TMEM39A: variants seen among roughly 807,000 people sequenced by gnomAD.
The protein encoded by TMEM39A is suppressor of SQST-1 aggregates in rpl-43 mutants.
A neutral mutation model predicts 51.9 loss-of-function variants in TMEM39A; 19 were observed. That is an observed-to-expected ratio of 0.37 (90% CI 0.26 to 0.54). The LOEUF (loss-of-function observed/expected upper bound fraction) is 0.54, where lower values mean the gene tolerates loss of function less well. TMEM39A is among the 20% of genes least tolerant of loss of function. The pLI, the probability that TMEM39A is intolerant of heterozygous loss-of-function variation, is 0.88. For missense variants in TMEM39A, 433 were observed against 590.5 expected, an observed-to-expected ratio of 0.73 and a Z score of 2.76; for synonymous variants, 197 against 220.2, an observed-to-expected ratio of 0.89 and a Z score of 0.93.
rs1461651857 is a variant in TMEM39A, at chr3:119,458,092, A to G, written c.262T>C (p.Phe88Leu). 2 of 1,614,078 alleles carry G rather than the reference A, an allele frequency of 1.2e-6. No individual in the cohort carries two copies. Among genetic ancestry groups the G allele is most frequent in the Admixed American group, 1.7e-5 (1 of 60,012 alleles). The change falls in exon 3 of 9, where the codon TTC becomes CTC. Residue 88 changes from phenylalanine (F) to leucine (L), a missense_variant. Physicochemically the swap from Phe to Leu is conservative, Grantham distance 22. This residue lies in a region of TMEM39A where 170 missense variants were observed against 239.8 expected (regional missense o/e 0.71). Transcript: ENST00000319172. The stretch of plus-strand genomic sequence containing the variant: ...TTATAAATGTTGATGTACTGAATGA[A>G]AAGAGCAACCAACAGGTAGATGAAA... ...LFFIYLLVAL[F>L]IQYINIYKTV...
intron 4 of TMEM39A, among the ~76,000 whole-genome samples, chr3:119,447,724 A>C (rs1460527357): frequency 1.3e-5 from 2 of 151,994 alleles, no homozygotes; most frequent in Non-Finnish European, 2.9e-5. Flanking sequence ...TCCTGGGTTC[A>C]AGCGGTTCTC....
chr3:119,441,524 A>G (rs1251293680), intron 5 of TMEM39A, among the ~76,000 whole-genome samples: 2 of 152,214 alleles, frequency 1.3e-5, no homozygotes, highest in African/African-American at 4.8e-5. Flanking sequence ...GAACCTCCAG[A>G]GAGGTGAGAA....
chr3:119,447,133 C>T lies in TMEM39A; in HGVS notation c.460G>A (p.Val154Ile). ...AGAASMIHYMVLISARLVLLT... is the reference protein window; with the variant it reads ...AGAASMIHYMILISARLVLLT... Reference sequence around the variant, plus strand: ...AGTACCAAGCGAGCTGATATCAGAACCATGTAGTGAATCATTGATGCTGCA... The same window carrying T: ...AGTACCAAGCGAGCTGATATCAGAATCATGTAGTGAATCATTGATGCTGCA... Residue 154 changes from valine to isoleucine, a missense_variant, in exon 5 of 9, where the codon GTT (valine) becomes ATT (isoleucine). By Grantham distance (29) the Val-to-Ile change is conservative (BLOSUM62 3). Around this residue, in one of 3 missense-constraint regions of TMEM39A, gnomAD observed 170 missense variants for 239.8 expected, o/e 0.71. Transcript: ENST00000319172. 6.2e-7 allele frequency: 1 copy of T among 1,614,042 alleles called. No individual in the cohort carries two copies. Among genetic ancestry groups the T allele is most frequent in the Non-Finnish European group, 8.5e-7 (1 of 1,179,992 alleles).
intron 8 of TMEM39A, among the ~76,000 whole-genome samples, chr3:119,434,366 C>G (rs926868481): frequency 6.6e-6 from 1 of 151,958 alleles, no homozygotes. Context: ...ATAAAACCAC[C>G]GCACTATTAA....
At chr3:119,438,950 T>C (rs1374266702) in intron 5 of TMEM39A, among the ~76,000 whole-genome samples, 1 of 152,194 alleles carries the variant, frequency 6.6e-6, no homozygotes, top group African/African-American at 2.4e-5. Flanking sequence ...CAATTTAAGC[T>C]CTATGAACCA....
chr3:119,462,177 C>T, intron 1 of TMEM39A, 29 bp from the exon 2 acceptor site: 1 of 773,242 alleles, frequency 1.3e-6, no homozygotes. Flanking sequence ...ATTTAAACAT[C>T]AGTAGACTAT....
chr3:119,447,788 T>C (rs1036891207), intron 4 of TMEM39A, among the ~76,000 whole-genome samples: 4 of 152,018 alleles, frequency 2.6e-5, no homozygotes, highest in Admixed American at 6.6e-5. Flanking sequence ...CACGCCCAGC[T>C]AATTTTTGTA....
chr3:119,447,617 ATTTT>A (rs922885522), intron 4 of TMEM39A, among the ~76,000 whole-genome samples: 7 of 151,406 alleles, frequency 4.6e-5, no homozygotes, highest in East Asian at 1.9e-4. Context: ...TTATTTATTT[ATTTT>A]TAATTTTTTT....
chr3:119,440,504 T>C (rs1368366087), intron 5 of TMEM39A, among the ~76,000 whole-genome samples: 1 of 152,162 alleles, frequency 6.6e-6, no homozygotes, highest in Non-Finnish European at 1.5e-5. Flanking sequence ...GTAAAAACTA[T>C]GGAGAGCATT....
chr3:119,442,626 T>C (rs1051595542), intron 5 of TMEM39A, among the ~76,000 whole-genome samples: 4 of 152,340 alleles, frequency 2.6e-5, no homozygotes, highest in African/African-American at 9.6e-5. Flanking sequence ...TTGTGATTTA[T>C]GAGAGGAGGT....
rs956448053 is a variant in TMEM39A, at chr3:119,431,127, A to C, written c.*854T>G. Reference sequence around the variant, plus strand: ...TGTAGGTGGGTTGCTGCTAGACTACATCCAAGATTGTTCAGCTGAGGACTT... The same window carrying C: ...TGTAGGTGGGTTGCTGCTAGACTACCTCCAAGATTGTTCAGCTGAGGACTT... On this transcript the variant is annotated 3_prime_UTR_variant, in exon 9 of 9. Transcript: ENST00000319172. 6.6e-6 allele frequency: 1 copy of C among 152,122 alleles called. No homozygotes were observed. Among genetic ancestry groups the C allele is most frequent in the African/African-American group, 2.4e-5 (1 of 41,424 alleles). 9.4% of individuals were successfully genotyped at this position (152,122 alleles called of 1,614,324 possible).
intron 2 of TMEM39A, among the ~76,000 whole-genome samples, chr3:119,459,468 G>A (rs913316334): frequency 2.0e-5 from 3 of 152,056 alleles, no homozygotes; most frequent in Non-Finnish European, 4.4e-5. Flanking sequence ...ACGTTCAGGT[G>A]ATATTATTAA....
At chr3:119,439,772 ATT>A (rs936922953) in intron 5 of TMEM39A, among the ~76,000 whole-genome samples, 1 of 144,978 alleles carries the variant, frequency 6.9e-6, no homozygotes. Flanking sequence ...ATTAATTCTA[ATT>A]TTTTTTTTTT....
rs771106209 is a variant in TMEM39A, at chr3:119,437,909, G to A, written c.770C>T (p.Pro257Leu). 1 of 1,613,986 alleles carries A rather than the reference G, an allele frequency of 6.2e-7. No homozygotes were observed. Among genetic ancestry groups the A allele is most frequent in the Non-Finnish European group, 8.5e-7 (1 of 1,179,916 alleles). Residue 257 changes from proline (P) to leucine (L), a missense_variant, in exon 6 of 9, where the codon CCC becomes CTC. Transcript: ENST00000319172. ...TAGGGGACAACTGTGGGTGGGGATG[G>A]GTGTGGCATTATTAAACTGTTCTTT... ...SLKEQFNNAT[P>L]IPTHSCPLSP...
chr3:119,437,116 A>C, intron 6 of TMEM39A, 138 bp from the exon 7 acceptor site: 4 of 718,768 alleles, frequency 5.6e-6, no homozygotes, highest in Non-Finnish European at 8.7e-6. Flanking sequence ...CCGTGCAGAA[A>C]AGTTCAAGAG....
Position 119,438,107 on chromosome 3 carries a change from T to A in TMEM39A, c.576-4A>T. The A allele has an allele frequency of 1.3e-6, 2 of 1,574,558 alleles. No individual in the cohort carries two copies. Among genetic ancestry groups the A allele is most frequent in the African/African-American group, 1.4e-5 (1 of 73,994 alleles). ...AAGAGGAACATAAACACCAAACCTG[T>A]AAAACAAAGTGTGAAAATGAGACCA... On this transcript the variant is annotated splice_region_variant and splice_polypyrimidine_tract_variant and intron_variant, in intron 5 of 8. Transcript: ENST00000319172.
At chr3:119,436,252 A>C (rs1224655253) in intron 7 of TMEM39A, among the ~76,000 whole-genome samples, 2 of 152,192 alleles carry the variant, frequency 1.3e-5, no homozygotes, top group Non-Finnish European at 2.9e-5. Context: ...CACAGTTCTC[A>C]CTTAAACACA....
In TMEM39A at chr3:119,430,531, C is replaced by T. The variant is rs1208359591; in HGVS notation, c.*1450G>A. The T allele has an allele frequency of 6.6e-6, 1 of 151,980 alleles. No individual in the cohort carries two copies. Among genetic ancestry groups the T allele is most frequent in the African/African-American group, 2.4e-5 (1 of 41,386 alleles). 9.4% of individuals were successfully genotyped at this position (151,980 alleles called of 1,614,324 possible). A position where few individuals can be genotyped will look rare whatever the true frequency, so the allele number is the denominator to read the frequency against. The stretch of plus-strand genomic sequence containing the variant: ...TCATTCACTGCTATATCCCCAGGGC[C>T]TAATATAGTGCCTACTGGTTAATAT... On this transcript the variant is annotated 3_prime_UTR_variant, in exon 9 of 9. Coordinates refer to ENST00000319172, the MANE Select transcript of TMEM39A (RefSeq NM_018266.3).
intron 5 of TMEM39A, among the ~76,000 whole-genome samples, chr3:119,438,417 C>G (rs181024754): frequency 6.6e-6 from 1 of 152,256 alleles, no homozygotes; most frequent in East Asian, 1.9e-4. Flanking sequence ...AGTTTGTAAA[C>G]TTTGTATTAT....
Sources: allele counts gnomAD v4.1 joint callset (sites outside exome capture counted in the v4.1 genomes callset), GRCh38; gene constraint gnomAD v4.1.1; regional missense constraint gnomAD v4.1.1; transcripts MANE v1.5; gene names NCBI Gene and HGNC (gene_info 2026-07-23, HGNC 2026-07-21).